Variants in CDYL2 observed in about 807,000 individuals in gnomAD.
CDYL2 encodes chromodomain Y-like protein 2.
A neutral mutation model predicts 49.4 loss-of-function variants in CDYL2; 23 were observed. The ratio of observed to expected loss-of-function variants is 0.47; its 90% CI spans 0.34 to 0.66. The LOEUF is 0.66. CDYL2 is among the 30% of genes least tolerant of loss of function. CDYL2 has a pLI of 0.01. For synonymous variants in CDYL2, 360 were observed against 268.8 expected, an observed-to-expected ratio of 1.34 and a Z score of -3.32; for missense variants, 678 against 656.4, an observed-to-expected ratio of 1.03 and a Z score of -0.36.
chr16:80,633,241 C>G lies in CDYL2; in HGVS notation c.617-5G>C, dbSNP rs1907656986. On this transcript the variant is annotated splice_region_variant and splice_polypyrimidine_tract_variant and intron_variant, in intron 2 of 6. Transcript: ENST00000570137. ...CCCCGTTGGTCAGAGCAGAGCCTTC[C>G]AAAACCAGATAAACAATGTAAGAAA... 3 of 1,609,770 alleles carry G rather than the reference C, an allele frequency of 1.9e-6. No individual in the cohort carries two copies. Among genetic ancestry groups the G allele is most frequent in the Non-Finnish European group, 2.5e-6 (3 of 1,176,636 alleles).
chr16:80,645,524 T>C (rs567751146), intron 2 of CDYL2, among the ~76,000 whole-genome samples: 5 of 152,192 alleles, frequency 3.3e-5, no homozygotes, highest in Non-Finnish European at 7.3e-5. Context: ...GGAACACTTT[T>C]ACACTGTTGG....
At chr16:80,655,730 T>G (rs1159415243) in intron 2 of CDYL2, among the ~76,000 whole-genome samples, 1 of 152,168 alleles carries the variant, frequency 6.6e-6, no homozygotes, top group Non-Finnish European at 1.5e-5. Flanking sequence ...CAGAGCCTCC[T>G]TGAGTACTGG....
intron 2 of CDYL2, among the ~76,000 whole-genome samples, chr16:80,667,744 G>A (rs77347527): frequency 2.0e-5 from 3 of 152,240 alleles, no homozygotes; most frequent in East Asian, 1.9e-4. Context: ...TTGAAATAAC[G>A]GCTAATATTT....
intron 4 of CDYL2, among the ~76,000 whole-genome samples, chr16:80,613,739 T>A (rs1338423836): frequency 6.6e-6 from 1 of 152,244 alleles, no homozygotes; most frequent in Non-Finnish European, 1.5e-5. Context: ...AAAATTTTAA[T>A]ATTCATCTGG....
chr16:80,605,350 ATAT>A (rs1239891492), intron 6 of CDYL2, among the ~76,000 whole-genome samples: 3 of 148,330 alleles, frequency 2.0e-5, no homozygotes, highest in Non-Finnish European at 1.5e-5. Context: ...TAATATATAC[ATAT>A]TATATTATGT....
intron 4 of CDYL2, among the ~76,000 whole-genome samples, chr16:80,615,435 G>A (rs1217991755): frequency 6.6e-6 from 1 of 152,080 alleles, no homozygotes; most frequent in Non-Finnish European, 1.5e-5. Context: ...GGACTCATGG[G>A]ACCGTATCTT....
intron 2 of CDYL2, among the ~76,000 whole-genome samples, chr16:80,667,917 G>GC (rs1909335383): frequency 6.6e-6 from 1 of 152,210 alleles, no homozygotes; most frequent in African/African-American, 2.4e-5. Flanking sequence ...ATGGCTGAAT[G>GC]CCCCTGACTC....
intron 1 of CDYL2, among the ~76,000 whole-genome samples, chr16:80,774,420 G>A (rs908723741): frequency 1.3e-5 from 2 of 151,858 alleles, no homozygotes; most frequent in African/African-American, 4.8e-5. Context: ...GAAGGAAGGA[G>A]GTTGATCAAC....
chr16:80,670,819 C>T, intron 2 of CDYL2: 1 of 438,974 alleles, frequency 2.3e-6, no homozygotes, highest in Non-Finnish European at 4.6e-6. Flanking sequence ...AGGAACACCA[C>T]ACCACAGTCG....
At chr16:80,657,250 G>GA (rs1485153347) in intron 2 of CDYL2, among the ~76,000 whole-genome samples, 1 of 152,080 alleles carries the variant, frequency 6.6e-6, no homozygotes, top group East Asian at 1.9e-4. Flanking sequence ...TCAGATGCAA[G>GA]AAAAACATTC....
At chr16:80,668,640 A>G (rs1195663625) in intron 2 of CDYL2, among the ~76,000 whole-genome samples, 5 of 152,124 alleles carry the variant, frequency 3.3e-5, no homozygotes, top group African/African-American at 7.2e-5. Flanking sequence ...AAATGCTTAT[A>G]TTTTCCCCAG....
At chr16:80,693,409 A>G (rs1283244266) in intron 1 of CDYL2, among the ~76,000 whole-genome samples, 2 of 152,244 alleles carry the variant, frequency 1.3e-5, no homozygotes, top group Non-Finnish European at 2.9e-5. Flanking sequence ...GTAATAAAGC[A>G]TAAAAGACAA....
At chr16:80,656,851 G>A (rs1187602005) in intron 2 of CDYL2, among the ~76,000 whole-genome samples, 3 of 152,154 alleles carry the variant, frequency 2.0e-5, no homozygotes, top group Non-Finnish European at 4.4e-5. Context: ...AAGGCAACAA[G>A]GACTAAGTCT....
Position 80,712,189 on chromosome 16 carries a change from G to GTATATATATATA in CDYL2, c.25-27061_25-27060insTATATATATATA, listed in dbSNP as rs527296483. Among the ~76,000 whole-genome samples the GTATATATATATA allele has an allele frequency of 3.4e-3, 256 of 75,810 alleles. 3 individuals carry two copies. Among genetic ancestry groups the GTATATATATATA allele is most frequent in the African/African-American group, 7.8e-3 (236 of 30,110 alleles). The allele number at this position is 75,810 out of a possible 152,430, so 49.7% of individuals were successfully genotyped here. On this transcript the variant is annotated intron_variant, in intron 1 of 6. Coordinates refer to ENST00000570137, the MANE Select transcript of CDYL2 (RefSeq NM_152342.4). Reference sequence around the variant, plus strand: ...TATATATGTGTCTTTGTGTCTGTGTGTGTATATATATATATATATATATAT... The same window carrying GTATATATATATA: ...TATATATGTGTCTTTGTGTCTGTGTGTATATATATATATGTATATATATATATATATATATAT...
intron 1 of CDYL2, among the ~76,000 whole-genome samples, chr16:80,714,095 C>T (rs1483224781): frequency 2.0e-5 from 3 of 152,140 alleles, no homozygotes; most frequent in Non-Finnish European, 4.4e-5. Context: ...TTTAACACTA[C>T]TAATTTATAG....
intron 2 of CDYL2, among the ~76,000 whole-genome samples, chr16:80,655,129 T>C (rs1460891376): frequency 6.6e-6 from 1 of 152,200 alleles, no homozygotes; most frequent in East Asian, 1.9e-4. Flanking sequence ...GGCCAGGCCT[T>C]TTCTGAGCAG....
At chr16:80,714,034 C>T (rs570461659) in intron 1 of CDYL2, among the ~76,000 whole-genome samples, 7 of 152,294 alleles carry the variant, frequency 4.6e-5, no homozygotes, top group South Asian at 2.1e-4. Flanking sequence ...GCCATTCCCA[C>T]GTTGCCTATC....
chr16:80,768,801 C>T (rs1461449210), intron 1 of CDYL2, among the ~76,000 whole-genome samples: 2 of 152,154 alleles, frequency 1.3e-5, no homozygotes, highest in African/African-American at 4.8e-5. Context: ...AGCTTTGTAA[C>T]TTAGTTTTTC....
chr16:80,608,050 G>T, intron 6 of CDYL2, 42 bp downstream of exon 6: 1 of 1,523,836 alleles, frequency 6.6e-7, no homozygotes, highest in Non-Finnish European at 8.8e-7. Context: ...TGTAAAATGG[G>T]TCTATCAAAA....
Sources: gnomAD v4.1 joint callset for allele counts (sites outside exome capture counted in the v4.1 genomes callset) on GRCh38, gnomAD v4.1.1 for gene constraint, MANE v1.5 for transcripts, NCBI Gene and HGNC (gene_info 2026-07-23, HGNC 2026-07-21) for gene names.